Variants in MDFIC2 observed in about 807,000 individuals in gnomAD.
MDFIC2 encodes the protein MyoD family inhibitor domain containing 2, also known as myoD family inhibitor domain-containing protein 2.
chr3:70,248,812 A>G (rs1219017247), intron 2 of MDFIC2, among the ~76,000 whole-genome samples: 1 of 152,140 alleles, frequency 6.6e-6, no homozygotes. Flanking sequence ...TGAGTAGGCT[A>G]CCATGTGTGA....
intron 3 of MDFIC2, among the ~76,000 whole-genome samples, chr3:70,201,825 A>G (rs1017470013): frequency 2.0e-5 from 3 of 152,102 alleles, no homozygotes; most frequent in African/African-American, 7.2e-5. Context: ...AAGACTGGCA[A>G]AGATCATTTT....
At chr3:70,268,718 C>G (rs534412648) in intron 2 of MDFIC2, among the ~76,000 whole-genome samples, 1 of 152,206 alleles carries the variant, frequency 6.6e-6, no homozygotes, top group Non-Finnish European at 1.5e-5. Context: ...TTTTTAAAAT[C>G]TATTGATTTT....
At chr3:70,230,927 A>C (rs1701553812) in intron 2 of MDFIC2, among the ~76,000 whole-genome samples, 1 of 152,182 alleles carries the variant, frequency 6.6e-6, no homozygotes, top group Non-Finnish European at 1.5e-5. Context: ...CCACTTTTCA[A>C]TTTGGATGAA....
At chr3:70,285,911 T>C (rs902713192) in intron 2 of MDFIC2, among the ~76,000 whole-genome samples, 2 of 151,646 alleles carry the variant, frequency 1.3e-5, no homozygotes, top group Admixed American at 6.6e-5. Flanking sequence ...GGTTGTTTGT[T>C]TTTTTCTTGT....
intron 2 of MDFIC2, among the ~76,000 whole-genome samples, chr3:70,273,707 G>T (rs1184813746): frequency 6.6e-6 from 1 of 152,234 alleles, no homozygotes; most frequent in East Asian, 1.9e-4. Flanking sequence ...CCACTGGCAG[G>T]CATTACTAAT....
chr3:70,199,421 A>G (rs1002174013), intron 3 of MDFIC2, among the ~76,000 whole-genome samples: 2 of 152,014 alleles, frequency 1.3e-5, no homozygotes, highest in African/African-American at 4.8e-5. Flanking sequence ...CCAAATTGGC[A>G]CTTGTTTCCT....
intron 2 of MDFIC2, among the ~76,000 whole-genome samples, chr3:70,245,714 T>TATATATATATAC (rs1553648300): frequency 8.1e-6 from 1 of 123,948 alleles, no homozygotes; most frequent in Non-Finnish European, 1.7e-5. Flanking sequence ...TATATATATA[T>TATATATATATAC]ACACATTCAA....
intron 2 of MDFIC2, among the ~76,000 whole-genome samples, chr3:70,294,319 C>A (rs1422796012): frequency 6.6e-6 from 1 of 151,952 alleles, no homozygotes; most frequent in East Asian, 1.9e-4. Context: ...ATGAATAGAC[C>A]TTGTAGTACA....
chr3:70,242,934 C>T (rs937222742), intron 2 of MDFIC2, among the ~76,000 whole-genome samples: 4 of 151,980 alleles, frequency 2.6e-5, no homozygotes, highest in Non-Finnish European at 4.4e-5. Context: ...AAAAAACAAC[C>T]ATCAAAAAAA....
intron 2 of MDFIC2, among the ~76,000 whole-genome samples, chr3:70,299,928 C>CAA (rs2106700631): frequency 6.6e-6 from 1 of 152,164 alleles, no homozygotes; most frequent in South Asian, 2.1e-4. Context: ...CTCCCACACA[C>CAA]GCCCTTTCTC....
intron 2 of MDFIC2, among the ~76,000 whole-genome samples, chr3:70,228,042 T>TC (rs1423214169): frequency 6.6e-6 from 1 of 151,554 alleles, no homozygotes; most frequent in Non-Finnish European, 1.5e-5. Context: ...ATAAATAATA[T>TC]CCAACAGAGA....
intron 2 of MDFIC2, among the ~76,000 whole-genome samples, chr3:70,259,985 A>G (rs1429838650): frequency 6.6e-6 from 1 of 152,188 alleles, no homozygotes; most frequent in Non-Finnish European, 1.5e-5. Flanking sequence ...CCCACTCACT[A>G]TCACGAGAAC....
At chr3:70,279,529 G>T (rs1474169993) in intron 2 of MDFIC2, among the ~76,000 whole-genome samples, 1 of 151,928 alleles carries the variant, frequency 6.6e-6, no homozygotes, top group African/African-American at 2.4e-5. Context: ...CTTTCTTCTT[G>T]CCAAATGTGT....
intron 2 of MDFIC2, among the ~76,000 whole-genome samples, chr3:70,229,047 C>A (rs1358466610): frequency 1.3e-5 from 2 of 152,206 alleles, no homozygotes; most frequent in African/African-American, 2.4e-5. Context: ...TTAGCCTCCA[C>A]AGCTAAAGAG....
At chr3:70,248,911 T>C (rs570485072) in intron 2 of MDFIC2, among the ~76,000 whole-genome samples, 1 of 152,240 alleles carries the variant, frequency 6.6e-6, no homozygotes, top group East Asian at 1.9e-4. Context: ...TACCAGGAAA[T>C]GGGCTAAGAA....
At chr3:70,241,805 T>G (rs560743315) in intron 2 of MDFIC2, among the ~76,000 whole-genome samples, 1 of 152,182 alleles carries the variant, frequency 6.6e-6, no homozygotes, top group Non-Finnish European at 1.5e-5. Context: ...TATACCTATT[T>G]TACAAATGGA....
At chr3:70,309,227 A>G (rs1702434643) in intron 2 of MDFIC2, among the ~76,000 whole-genome samples, 1 of 152,142 alleles carries the variant, frequency 6.6e-6, no homozygotes, top group Admixed American at 6.6e-5. Flanking sequence ...GAGCCCTGCA[A>G]ATTTGAGCAA....
At position 70,245,677 on chromosome 3, in the gene MDFIC2, A is replaced by G. The variant is rs1302220086; in HGVS notation, c.89-38887T>C. Reference sequence around the variant, plus strand: ...AACGTTTTTGCAAACTGCTTTATATATATATATATATATATATATATATAT... The same window carrying G: ...AACGTTTTTGCAAACTGCTTTATATGTATATATATATATATATATATATAT... On this transcript the variant is annotated intron_variant, in intron 2 of 3. Transcript: ENST00000567252. Among the ~76,000 whole-genome samples, 11 of 99,432 alleles carry G rather than the reference A, an allele frequency of 1.1e-4. No individual in the cohort carries two copies. The East Asian group carries it at 2.4e-3, about 22-fold the overall frequency. 65.2% of individuals were successfully genotyped at this position (99,432 alleles called of 152,430 possible). A position where few individuals can be genotyped will look rare whatever the true frequency, so the allele number is the denominator to read the frequency against.
intron 2 of MDFIC2, among the ~76,000 whole-genome samples, chr3:70,229,168 T>C (rs1208337920): frequency 1.3e-5 from 2 of 152,156 alleles, no homozygotes; most frequent in Admixed American, 6.5e-5. Flanking sequence ...CCACAATTTT[T>C]AGTTATCAGC....
Sources: allele counts gnomAD v4.1 joint callset (sites outside exome capture counted in the v4.1 genomes callset), GRCh38; gene constraint gnomAD v4.1.1; transcripts MANE v1.5; gene names NCBI Gene and HGNC (gene_info 2026-07-23, HGNC 2026-07-21).